Variants in CACNA1E observed in about 807,000 individuals in gnomAD.
CACNA1E encodes the protein calcium voltage-gated channel subunit alpha1 E, also known as voltage-dependent R-type calcium channel subunit alpha-1E.
Under a neutral mutation model 259.2 loss-of-function variants are expected in CACNA1E, and 40 were observed. The observed-to-expected ratio is 0.15, with a 90% confidence interval of 0.12 to 0.20. The LOEUF is 0.20. Ranked by LOEUF, CACNA1E falls within the 10% of genes least tolerant of loss-of-function variation. CACNA1E has a pLI of 1.00. For synonymous variants in CACNA1E, 1,104 were observed against 1,138.5 expected (o/e 0.97, Z 0.61); for missense variants, 1,874 against 3,040.1 (o/e 0.62, Z 9.02).
chr1:181,516,729 T>C (rs1666613408), intron 3 of CACNA1E, among the ~76,000 whole-genome samples: 1 of 152,226 alleles, frequency 6.6e-6, no homozygotes, highest in African/African-American at 2.4e-5. Flanking sequence ...AGGAAGTCTT[T>C]GTTTTCCATT....
At chr1:181,663,078 C>T (rs1647849148) in intron 7 of CACNA1E, among the ~76,000 whole-genome samples, 1 of 152,160 alleles carries the variant, frequency 6.6e-6, no homozygotes, top group Non-Finnish European at 1.5e-5. Flanking sequence ...AATCTTTCTC[C>T]CACATGTTCC....
intron 2 of CACNA1E, among the ~76,000 whole-genome samples, chr1:181,433,060 A>G (rs1033056141): frequency 1.3e-5 from 2 of 152,178 alleles, no homozygotes; most frequent in Admixed American, 6.5e-5. Flanking sequence ...TCAGGCGCTC[A>G]GCAGCTGCAC....
intron 7 of CACNA1E, among the ~76,000 whole-genome samples, chr1:181,687,097 A>G (rs979412752): frequency 1.1e-4 from 16 of 152,138 alleles, no homozygotes; most frequent in Admixed American, 1.0e-3. Flanking sequence ...ACAGATTTCA[A>G]GAGAGGAGCA....
intron 25 of CACNA1E, among the ~76,000 whole-genome samples, chr1:181,740,536 G>T (rs1389029476): frequency 6.6e-6 from 1 of 151,850 alleles, no homozygotes; most frequent in Non-Finnish European, 1.5e-5. Flanking sequence ...ATAGTGGAGG[G>T]CTCTCTCTCT....
chr1:181,397,454 C>A (rs907467651), intron 1 of CACNA1E, among the ~76,000 whole-genome samples: 3 of 152,204 alleles, frequency 2.0e-5, no homozygotes, highest in African/African-American at 7.2e-5. Context: ...GCATGCGTCA[C>A]CACACCAGGC....
At chr1:181,651,046 G>A (rs184070597) in intron 6 of CACNA1E, among the ~76,000 whole-genome samples, 10 of 152,330 alleles carry the variant, frequency 6.6e-5, no homozygotes, top group Non-Finnish European at 1.3e-4. Context: ...GGTTGTTTGC[G>A]TGACCTTGGA....
rs559057548 is a variant in CACNA1E, at chr1:181,501,923, G to A, written c.267-8554G>A. ...TTTGTTTTGTTTTGTTTTAAAAAAA[G>A]AAAAGGGGTTTGGTTTTTTAGTCTT... On this transcript the variant is annotated intron_variant, in intron 1 of 47. Coordinates refer to ENST00000367573, the MANE Select transcript of CACNA1E (RefSeq NM_001205293.3). Among the ~76,000 whole-genome samples, 6 of 152,294 alleles carry A rather than the reference G, an allele frequency of 3.9e-5. No homozygotes were observed. In the East Asian group the frequency reaches 1.2e-3, roughly 29 times the overall value.
At position 181,738,435 on chromosome 1, in the gene CACNA1E, T is replaced by A. The variant is rs898821647; in HGVS notation, c.3612+9T>A. On this transcript the variant is annotated intron_variant, in intron 24 of 47. Coordinates refer to ENST00000367573, the MANE Select transcript of CACNA1E (RefSeq NM_001205293.3). ...TTGAGATGGTTATAAAGGTAAAAAC[T>A]TCTAGAGAAAACCTGGGCTCTTGGG... 6.2e-7 allele frequency: 1 copy of A among 1,612,044 alleles called. No homozygotes were observed. Among genetic ancestry groups the A allele is most frequent in the Non-Finnish European group, 8.5e-7 (1 of 1,178,218 alleles).
intron 14 of CACNA1E, 50 bp downstream of exon 14, chr1:181,720,387 A>G: frequency 6.3e-7 from 1 of 1,582,144 alleles, no homozygotes; most frequent in Non-Finnish European, 8.6e-7. Flanking sequence ...ACCCAGTCGT[A>G]GCCTGTGTTG....
intron 34 of CACNA1E, among the ~76,000 whole-genome samples, chr1:181,763,965 T>C (rs926674212): frequency 6.6e-6 from 1 of 152,186 alleles, no homozygotes; most frequent in Non-Finnish European, 1.5e-5. Flanking sequence ...AAAGGACTCA[T>C]TGAGTTGTGT....
At chr1:181,680,520 C>T (rs760972805) in intron 7 of CACNA1E, among the ~76,000 whole-genome samples, 13 of 152,284 alleles carry the variant, frequency 8.5e-5, no homozygotes, top group South Asian at 6.2e-4. Flanking sequence ...GTGTTCCACC[C>T]GCACATGTTC....
intron 2 of CACNA1E, among the ~76,000 whole-genome samples, chr1:181,431,172 C>T (rs1388401789): frequency 6.6e-6 from 1 of 151,982 alleles, no homozygotes; most frequent in Admixed American, 6.5e-5. Flanking sequence ...TGGAGCTCTG[C>T]TTTAAAGTAA....
chr1:181,343,461 C>A (rs981872378), intron 1 of CACNA1E, among the ~76,000 whole-genome samples: 2 of 151,874 alleles, frequency 1.3e-5, no homozygotes, highest in African/African-American at 4.8e-5. Flanking sequence ...TGCTCCCTCT[C>A]TTGCCGTATG....
rs550309659 is a variant in CACNA1E at position 181,684,745 on chromosome 1, A to G, written c.1056-26209A>G. ...TTTATTGAATATGGAGTCTTTCCCT[A>G]TTGCTTCTTATTGTCAACTTTCTCT... On this transcript the variant is annotated intron_variant, in intron 7 of 47. Transcript: ENST00000367573. Among the ~76,000 whole-genome samples the G allele has an allele frequency of 5.8e-4, 88 of 151,820 alleles. 2 individuals are homozygous for G. The South Asian group carries it at 9.6e-3, about 17-fold the overall frequency.
intron 1 of CACNA1E, among the ~76,000 whole-genome samples, chr1:181,387,298 C>T (rs570591733): frequency 3.9e-5 from 6 of 152,272 alleles, no homozygotes; most frequent in African/African-American, 9.6e-5. Flanking sequence ...ACAGTGACAG[C>T]GAGCTTGCTT....
chr1:181,356,116 G>A (rs1371759153), intron 1 of CACNA1E, among the ~76,000 whole-genome samples: 1 of 152,170 alleles, frequency 6.6e-6, no homozygotes, highest in African/African-American at 2.4e-5. Context: ...AGTGCCTGGT[G>A]CCCTGCAGTA....
intron 3 of CACNA1E, among the ~76,000 whole-genome samples, chr1:181,523,122 C>A (rs1445825473): frequency 6.8e-6 from 1 of 147,808 alleles, no homozygotes; most frequent in Non-Finnish European, 1.5e-5. Flanking sequence ...AGACTCTGAC[C>A]TCCAGTCCTT....
intron 1 of CACNA1E, among the ~76,000 whole-genome samples, chr1:181,326,462 G>A (rs1038893401): frequency 4.6e-5 from 7 of 152,138 alleles, no homozygotes; most frequent in Admixed American, 3.9e-4. Context: ...ATACCTTATG[G>A]TGTCTCATGG....
At chr1:181,518,261 T>C (rs1447940515) in intron 3 of CACNA1E, among the ~76,000 whole-genome samples, 7 of 152,054 alleles carry the variant, frequency 4.6e-5, no homozygotes, top group Admixed American at 4.6e-4. Context: ...AATGCTGATG[T>C]TGGGGAGGTC....
Sources: gnomAD v4.1 joint callset for allele counts (sites outside exome capture counted in the v4.1 genomes callset) on GRCh38, gnomAD v4.1.1 for gene constraint, MANE v1.5 for transcripts, NCBI Gene and HGNC (gene_info 2026-07-23, HGNC 2026-07-21) for gene names.